The following SRPK2 variants were observed in gnomAD, a reference collection of about 807,000 sequenced individuals.
SRPK2 encodes SRSF protein kinase 2.
A neutral mutation model predicts 90.8 loss-of-function variants in SRPK2; 21 were observed. The observed-to-expected ratio is 0.23, with a 90% CI of 0.16 to 0.33. The LOEUF (loss-of-function observed/expected upper bound fraction) is 0.33. SRPK2 is among the 10% of genes least tolerant of loss of function. The probability of loss-of-function intolerance (pLI) is 1.00; values close to 1 mark genes in which losing one functional copy is unlikely to be tolerated. For synonymous variants in SRPK2, 288 were observed against 311.1 expected, an observed-to-expected ratio of 0.93 and a Z score of 0.78; for missense variants, 620 against 869.0, an observed-to-expected ratio of 0.71 and a Z score of 3.60.
At chr7:105,352,108 A>G (rs1057276786) in intron 2 of SRPK2, among the ~76,000 whole-genome samples, 1 of 152,186 alleles carries the variant, frequency 6.6e-6, no homozygotes, top group Non-Finnish European at 1.5e-5. Context: ...AGCTGGGTCT[A>G]GAATCCCCGT....
intron 2 of SRPK2, among the ~76,000 whole-genome samples, chr7:105,316,580 T>C (rs1812334580): frequency 6.6e-6 from 1 of 152,236 alleles, no homozygotes; most frequent in South Asian, 2.1e-4. Flanking sequence ...AGATCAAAGA[T>C]AAACAGTTTA....
intron 2 of SRPK2, among the ~76,000 whole-genome samples, chr7:105,356,162 T>C (rs1420811368): frequency 2.0e-5 from 3 of 152,152 alleles, no homozygotes; most frequent in Non-Finnish European, 4.4e-5. Context: ...ATGGCTTCAA[T>C]ACCTCTATTT....
Position 105,174,426 on chromosome 7 carries a change from A to G in SRPK2, c.230-5161T>C, listed in dbSNP as rs149936720. Among the ~76,000 whole-genome samples, 254 of 152,274 alleles carry G rather than the reference A, an allele frequency of 1.7e-3. 1 individual carries two copies. Among genetic ancestry groups the G allele is most frequent in the African/African-American group, 6.0e-3 (248 of 41,564 alleles). ...AACAAAGTCTCTTTATTTTCTTAAT[A>G]AAGATAATATTAAGTATTACCTGAG... On this transcript the variant is annotated intron_variant, in intron 3 of 15. Coordinates refer to ENST00000393651, the MANE Select transcript of SRPK2 (RefSeq NM_182692.3).
At chr7:105,124,274 CCT>C (rs1800804594) in intron 15 of SRPK2, among the ~76,000 whole-genome samples, 1 of 152,186 alleles carries the variant, frequency 6.6e-6, no homozygotes, top group African/African-American at 2.4e-5. Context: ...TCTTTCTGTC[CCT>C]CTTTCCTTCC....
At chr7:105,280,263 A>T (rs953688743) in intron 2 of SRPK2, among the ~76,000 whole-genome samples, 1 of 152,068 alleles carries the variant, frequency 6.6e-6, no homozygotes, top group African/African-American at 2.4e-5. Flanking sequence ...AAAAATACAA[A>T]AATTAGCCGG....
chr7:105,345,197 G>C (rs1437900403), intron 2 of SRPK2, among the ~76,000 whole-genome samples: 1 of 150,870 alleles, frequency 6.6e-6, no homozygotes, highest in Non-Finnish European at 1.5e-5. Flanking sequence ...GGGGAGGGGA[G>C]GGGAGGGGAA....
intron 13 of SRPK2, among the ~76,000 whole-genome samples, chr7:105,131,058 G>C (rs1801928865): frequency 6.6e-6 from 1 of 152,186 alleles, no homozygotes; most frequent in Admixed American, 6.5e-5. Flanking sequence ...CAGATAACCT[G>C]GTATAAAATT....
At chr7:105,317,254 T>G (rs1313583297) in intron 2 of SRPK2, among the ~76,000 whole-genome samples, 1 of 152,226 alleles carries the variant, frequency 6.6e-6, no homozygotes, top group East Asian at 1.9e-4. Flanking sequence ...GGCCCCAAGC[T>G]GTACTAGCAG....
At chr7:105,120,207 T>C (rs1004186792) in intron 15 of SRPK2, among the ~76,000 whole-genome samples, 1 of 152,220 alleles carries the variant, frequency 6.6e-6, no homozygotes, top group African/African-American at 2.4e-5. Context: ...TTTTATGACA[T>C]GAATCTATTC....
intron 3 of SRPK2, among the ~76,000 whole-genome samples, chr7:105,185,179 T>C (rs1793416676): frequency 6.6e-6 from 1 of 152,010 alleles, no homozygotes; most frequent in South Asian, 2.1e-4. Context: ...GAGAAAGTCT[T>C]AGCTGAGTCA....
chr7:105,222,304 T>C (rs1798194020), intron 2 of SRPK2, among the ~76,000 whole-genome samples: 1 of 152,242 alleles, frequency 6.6e-6, no homozygotes. Context: ...TCTGATGCCC[T>C]TGCACAGACT....
chr7:105,252,845 G>C (rs1349455868), intron 2 of SRPK2, among the ~76,000 whole-genome samples: 6 of 150,348 alleles, frequency 4.0e-5, no homozygotes, highest in African/African-American at 1.5e-4. Context: ...CCAGGTTCAA[G>C]AAATTCTCAT....
chr7:105,394,366 C>G (rs1822265170), upstream of SRPK2, among the ~76,000 whole-genome samples: 1 of 152,124 alleles, frequency 6.6e-6, no homozygotes, highest in Non-Finnish European at 1.5e-5. Context: ...TGGTCTCAAA[C>G]TCCTGACCTC....
At chr7:105,253,633 T>A (rs1802792230) in intron 2 of SRPK2, among the ~76,000 whole-genome samples, 2 of 151,598 alleles carry the variant, frequency 1.3e-5, no homozygotes, top group Admixed American at 6.6e-5. Flanking sequence ...TTAGACTAGA[T>A]CCAAGCCGTC....
At chr7:105,389,365 C>T, upstream of SRPK2, 1 of 1,271,494 alleles carries the variant, frequency 7.9e-7, no homozygotes, top group Non-Finnish European at 1.0e-6. Flanking sequence ...ATCCTTGCAA[C>T]CCCATGAGCG....
intron 2 of SRPK2, chr7:105,245,030 A>ACAC (rs760527264): frequency 6.1e-6 from 3 of 489,260 alleles, no homozygotes; most frequent in Non-Finnish European, 1.1e-5. Flanking sequence ...AACAAAACAA[A>ACAC]ACAAACACAC....
chr7:105,396,836 GAA>G (rs781291911), intron 1 of SRPK2, among the ~76,000 whole-genome samples: 1 of 144,010 alleles, frequency 6.9e-6, no homozygotes, highest in Non-Finnish European at 1.5e-5. Flanking sequence ...GAGAGAGAGA[GAA>G]AGAAATAGAG....
chr7:105,210,717 A>G (rs62484665), intron 2 of SRPK2, among the ~76,000 whole-genome samples: 9,838 of 152,242 alleles, frequency 0.065, 350 homozygotes, highest in Middle Eastern at 0.11. Flanking sequence ...GGGAGATCAC[A>G]CTGGGTGGCC....
chr7:105,172,257 G>A (rs1160239849), intron 3 of SRPK2, among the ~76,000 whole-genome samples: 1 of 152,200 alleles, frequency 6.6e-6, no homozygotes, highest in Non-Finnish European at 1.5e-5. Flanking sequence ...AGTTTATCCA[G>A]TATAATTAGG....
Sources: allele counts gnomAD v4.1 joint callset (sites outside exome capture counted in the v4.1 genomes callset), GRCh38; gene constraint gnomAD v4.1.1; transcripts MANE v1.5; gene names NCBI Gene and HGNC (gene_info 2026-07-23, HGNC 2026-07-21).